DPYD: variants seen among roughly 807,000 people sequenced by gnomAD.
The protein encoded by DPYD is dihydropyrimidine dehydrogenase [NADP(+)].
In DPYD, 109 loss-of-function variants were observed where a neutral mutation model predicts 116.2. That is an observed-to-expected ratio of 0.94 (90% CI 0.80 to 1.10). The LOEUF is 1.10. Ranked by LOEUF, DPYD falls within the 50% of genes least tolerant of loss-of-function variation. The pLI, the probability that DPYD is intolerant of heterozygous loss-of-function variation, is 0.00. For missense variants in DPYD, 1,302 were observed against 1,254.5 expected, an observed-to-expected ratio of 1.04 and a Z score of -0.57; for synonymous variants, 440 against 432.0, an observed-to-expected ratio of 1.02 and a Z score of -0.23.
chr1:97,570,222 T>C (rs1178180811), intron 11 of DPYD, among the ~76,000 whole-genome samples: 1 of 152,034 alleles, frequency 6.6e-6, no homozygotes, highest in African/African-American at 2.4e-5. Context: ...TCCAATTAGC[T>C]TAGCTTTTCA....
chr1:97,553,935 A>G (rs970991174), intron 11 of DPYD, among the ~76,000 whole-genome samples: 20 of 152,124 alleles, frequency 1.3e-4, no homozygotes, highest in African/African-American at 4.6e-4. Flanking sequence ...ATTCATACCA[A>G]ACATTCAAGA....
chr1:97,875,820 C>G (rs1489059565), intron 2 of DPYD, among the ~76,000 whole-genome samples: 7 of 151,862 alleles, frequency 4.6e-5, no homozygotes, highest in Non-Finnish European at 1.0e-4. Context: ...AAAGCTATTG[C>G]CCAGTAATGA....
intron 14 of DPYD, among the ~76,000 whole-genome samples, chr1:97,449,627 T>A (rs936496622): frequency 1.3e-5 from 2 of 152,316 alleles, no homozygotes; most frequent in South Asian, 4.1e-4. Flanking sequence ...GTTAAAATTA[T>A]TTAATAAATT....
intron 21 of DPYD, among the ~76,000 whole-genome samples, chr1:97,092,287 T>TAAAG (rs111408963): frequency 2.6e-5 from 4 of 152,310 alleles, no homozygotes; most frequent in African/African-American, 9.6e-5. Flanking sequence ...GGTTGCACAT[T>TAAAG]AAAGATTATT....
chr1:97,433,518 G>A (rs1675295707), intron 14 of DPYD, among the ~76,000 whole-genome samples: 1 of 152,122 alleles, frequency 6.6e-6, no homozygotes, highest in East Asian at 1.9e-4. Context: ...TGCATTTTCA[G>A]ATTTTAGGTA....
At chr1:97,528,141 T>C (rs1187311842) in intron 12 of DPYD, among the ~76,000 whole-genome samples, 2 of 152,140 alleles carry the variant, frequency 1.3e-5, no homozygotes, top group African/African-American at 4.8e-5. Context: ...GAAATATCTA[T>C]TGAGGGAAAA....
intron 18 of DPYD, among the ~76,000 whole-genome samples, chr1:97,297,667 A>G (rs1355884840): frequency 1.3e-5 from 2 of 152,196 alleles, no homozygotes; most frequent in African/African-American, 4.8e-5. Flanking sequence ...TTAAGAGAGA[A>G]GAGCAGTAAG....
chr1:97,396,558 G>A (rs1384643466), intron 14 of DPYD, among the ~76,000 whole-genome samples: 1 of 151,966 alleles, frequency 6.6e-6, no homozygotes, highest in East Asian at 1.9e-4. Flanking sequence ...AAAATTAGAG[G>A]AAAGAATGAG....
At chr1:97,124,588 A>G (rs1652692266) in intron 20 of DPYD, among the ~76,000 whole-genome samples, 1 of 152,140 alleles carries the variant, frequency 6.6e-6, no homozygotes, top group Non-Finnish European at 1.5e-5. Context: ...AGGATGAAAG[A>G]ATATAGACTC....
At chr1:97,426,204 G>A (rs1674858198) in intron 14 of DPYD, among the ~76,000 whole-genome samples, 1 of 151,972 alleles carries the variant, frequency 6.6e-6, no homozygotes, top group East Asian at 1.9e-4. Flanking sequence ...CGTGGTGGGA[G>A]ATATAGAGAT....
At chr1:97,232,632 C>T (rs1661656483) in intron 19 of DPYD, among the ~76,000 whole-genome samples, 1 of 151,936 alleles carries the variant, frequency 6.6e-6, no homozygotes, top group East Asian at 1.9e-4. Flanking sequence ...ATTTCTATTG[C>T]CAATTTCTAT....
At chr1:97,238,050 C>G (rs1301501539) in intron 18 of DPYD, among the ~76,000 whole-genome samples, 1 of 152,034 alleles carries the variant, frequency 6.6e-6, no homozygotes, top group Non-Finnish European at 1.5e-5. Flanking sequence ...ACTTAAAGGG[C>G]AACATTATTA....
intron 16 of DPYD, among the ~76,000 whole-genome samples, chr1:97,358,160 G>T (rs896980430): frequency 6.6e-6 from 1 of 152,248 alleles, no homozygotes; most frequent in Non-Finnish European, 1.5e-5. Flanking sequence ...TCCTGCGCCT[G>T]GCTCAGTGGA....
intron 16 of DPYD, among the ~76,000 whole-genome samples, chr1:97,332,338 T>C (rs1558036251): frequency 6.6e-6 from 1 of 152,156 alleles, no homozygotes; most frequent in Non-Finnish European, 1.5e-5. Context: ...TAAAACAGAG[T>C]TATTTCAAGT....
chr1:97,796,666 G>T (rs1203404141), intron 3 of DPYD, among the ~76,000 whole-genome samples: 1 of 152,084 alleles, frequency 6.6e-6, no homozygotes, highest in African/African-American at 2.4e-5. Flanking sequence ...CAAAGAAGGA[G>T]GGTGAGACAG....
At chr1:97,649,178 G>A (rs1210019929) in intron 8 of DPYD, among the ~76,000 whole-genome samples, 4 of 151,986 alleles carry the variant, frequency 2.6e-5, no homozygotes, top group Non-Finnish European at 5.9e-5. Flanking sequence ...AATTGAGGAA[G>A]CAATTTTTAG....
intron 13 of DPYD, among the ~76,000 whole-genome samples, chr1:97,460,173 A>T (rs1350023857): frequency 1.3e-5 from 2 of 152,232 alleles, no homozygotes; most frequent in African/African-American, 4.8e-5. Context: ...TGCAAATCTG[A>T]AGATAACAGT....
At chr1:97,827,059 T>C (rs1038533769) in intron 3 of DPYD, among the ~76,000 whole-genome samples, 2 of 152,062 alleles carry the variant, frequency 1.3e-5, no homozygotes, top group Admixed American at 6.6e-5. Context: ...TCTATTAAAT[T>C]TAATTACTTT....
intron 18 of DPYD, among the ~76,000 whole-genome samples, chr1:97,282,913 G>A (rs1042355946): frequency 2.0e-5 from 3 of 152,026 alleles, no homozygotes; most frequent in Non-Finnish European, 4.4e-5. Flanking sequence ...CATATGCTGT[G>A]TAGTATTCCA....
Sources: allele counts gnomAD v4.1 joint callset (sites outside exome capture counted in the v4.1 genomes callset), GRCh38; gene constraint gnomAD v4.1.1; transcripts MANE v1.5; gene names NCBI Gene and HGNC (gene_info 2026-07-23, HGNC 2026-07-21).